Variants in IQCK observed in about 807,000 individuals in gnomAD.
IQCK encodes IQ domain-containing protein K.
A neutral mutation model predicts 28.1 loss-of-function variants in IQCK; 29 were observed. The ratio of observed to expected loss-of-function variants is 1.03; its 90% CI spans 0.77 to 1.41. IQCK has a LOEUF of 1.41. IQCK is among the 40% of genes most tolerant of loss of function. The pLI is 0.00. For synonymous variants in IQCK, 113 were observed against 115.1 expected (o/e 0.98, Z 0.12); for missense variants, 359 against 314.7 (o/e 1.14, Z -1.07).
chr16:19,849,358 G>A (rs921889062), intron 9 of IQCK, among the ~76,000 whole-genome samples: 2 of 151,546 alleles, frequency 1.3e-5, no homozygotes, highest in African/African-American at 2.4e-5. Flanking sequence ...CTACAGGGCA[G>A]TTACACTTAA....
At chr16:19,723,217 C>G (rs1977552140) in intron 1 of IQCK, among the ~76,000 whole-genome samples, 2 of 151,538 alleles carry the variant, frequency 1.3e-5, no homozygotes, top group Non-Finnish European at 1.5e-5. Context: ...TCCTTCCAGA[C>G]CATATCCCAC....
chr16:19,750,762 G>A (rs1212404730), intron 4 of IQCK, among the ~76,000 whole-genome samples: 1 of 152,086 alleles, frequency 6.6e-6, no homozygotes, highest in Admixed American at 6.5e-5. Context: ...GCACCCAGCC[G>A]AGAATTTAAT....
exon 1 of IQCK, chr16:19,718,401 T>C (rs575422360): frequency 1.2e-6 from 2 of 1,606,192 alleles, no homozygotes; most frequent in East Asian, 4.5e-5. Flanking sequence ...GTGCCCACCG[T>C]GTCTCTCGCG....
intron 9 of IQCK, among the ~76,000 whole-genome samples, chr16:19,839,380 C>T (rs954493151): frequency 1.3e-5 from 2 of 151,854 alleles, no homozygotes; most frequent in African/African-American, 2.4e-5. Flanking sequence ...AGGCTGGTCT[C>T]GAACTCCTGA....
Position 19,856,655 on chromosome 16 carries a change from CAT to C in IQCK, c.*108_*109del. 5.7e-6 allele frequency: 5 copies of C among 875,360 alleles called. No individual in the cohort carries two copies. The South Asian group carries it at 6.0e-5, about 11-fold the overall frequency. 54.2% of individuals were successfully genotyped at this position (875,360 alleles called of 1,614,324 possible). ...GTGATTTCTTTAACAAGACTTGGAA[CAT>C]GTGCAAATGGAATCTTTTCTGTACA... On this transcript the variant is annotated 3_prime_UTR_variant, in exon 10 of 10. Transcript: ENST00000320394.
chr16:19,762,600 A>AT (rs1195215890), intron 4 of IQCK, among the ~76,000 whole-genome samples: 1 of 152,174 alleles, frequency 6.6e-6, no homozygotes, highest in Admixed American at 6.5e-5. Flanking sequence ...CGCGTATTTC[A>AT]TCTAACACAA....
At position 19,743,877 on chromosome 16, in the gene IQCK, C is replaced by T. The variant is rs546853824; in HGVS notation, c.474+8427C>T. 2.0e-5 allele frequency among the ~76,000 whole-genome samples: 3 copies of T among 152,294 alleles called. No homozygotes were observed. The South Asian group carries it at 6.2e-4, about 32-fold the overall frequency. On this transcript the variant is annotated intron_variant, in intron 4 of 7. Coordinates refer to ENST00000564186, the Ensembl canonical transcript of IQCK. The stretch of plus-strand genomic sequence containing the variant: ...CAGTACCATGAAACTCCAAGGAAGA[C>T]CAGGGGGAACAGAGCAGACAGAGAA...
chr16:19,726,817 C>A (rs536782695), intron 1 of IQCK, among the ~76,000 whole-genome samples: 52 of 152,238 alleles, frequency 3.4e-4, no homozygotes, highest in African/African-American at 1.2e-3. Flanking sequence ...CTTCCCTTAC[C>A]AAACATATAG....
At chr16:19,754,480 G>C (rs2055026373) in intron 4 of IQCK, among the ~76,000 whole-genome samples, 1 of 152,042 alleles carries the variant, frequency 6.6e-6, no homozygotes. Context: ...TTCGGCTTTT[G>C]GTTGCTTATC....
At chr16:19,775,050 AT>A (rs1352056229) in intron 6 of IQCK, among the ~76,000 whole-genome samples, 1 of 151,896 alleles carries the variant, frequency 6.6e-6, no homozygotes, top group Non-Finnish European at 1.5e-5. Context: ...ACATGGTGAA[AT>A]CCCATCTCTA....
At chr16:19,780,203 G>C (rs2055459943) in intron 6 of IQCK, among the ~76,000 whole-genome samples, 1 of 151,888 alleles carries the variant, frequency 6.6e-6, no homozygotes. Flanking sequence ...CACCTTGCCT[G>C]GCTAATTTTT....
chr16:19,825,286 C>T lies in IQCK; in HGVS notation c.691-1740C>T, dbSNP rs773328691. On this transcript the variant is annotated intron_variant, in intron 7 of 7. Coordinates refer to ENST00000564186, the Ensembl canonical transcript of IQCK. The surrounding 1 kb of genome is among the most constrained non-coding windows in gnomAD (Gnocchi z 4.2). ...CTGTAATCCCAGCCCTTTGGGAGGC[C>T]AAGGCGGATGGTTCACTTGAGGTCA... is the stretch of plus-strand genomic sequence containing the variant. Among the ~76,000 whole-genome samples the T allele has an allele frequency of 7.2e-5, 11 of 152,174 alleles. No homozygotes were observed. Among genetic ancestry groups the T allele is most frequent in the Non-Finnish European group, 1.5e-4 (10 of 68,036 alleles).
intron 7 of IQCK, among the ~76,000 whole-genome samples, chr16:19,814,233 A>C (rs1192359226): frequency 1.2e-4 from 17 of 142,574 alleles, no homozygotes; most frequent in Admixed American, 1.1e-3. Flanking sequence ...AAAAAAAAAA[A>C]AAAAAAAAAA....
chr16:19,814,359 CGCACCATCGCACTCCAGCCTG>C (rs1374887632), intron 7 of IQCK, among the ~76,000 whole-genome samples: 5 of 151,646 alleles, frequency 3.3e-5, no homozygotes, highest in Admixed American at 6.6e-5. Context: ...GAGCCGAGAT[CGCACCATCGCACTCCAGCCTG>C]GGTGACGAGA....
intron 6 of IQCK, among the ~76,000 whole-genome samples, chr16:19,775,865 G>GTT (rs1171516551): frequency 6.4e-5 from 5 of 78,740 alleles, no homozygotes; most frequent in Non-Finnish European, 7.5e-5. Context: ...CTGGGCACAG[G>GTT]CTTTTTTTTT....
chr16:19,735,490 A>G (rs139588324), intron 4 of IQCK, 40 bp downstream of exon 4: 9 of 1,413,194 alleles, frequency 6.4e-6, no homozygotes, highest in African/African-American at 5.6e-5. Context: ...TGAGATTCTC[A>G]ATCATTCATT....
rs1298437259 is a variant in IQCK at position 19,730,423 on chromosome 16, C to T, written c.182-7C>T. On this transcript the variant is annotated splice_polypyrimidine_tract_variant and splice_region_variant and intron_variant, in intron 1 of 7. Coordinates refer to ENST00000564186, the Ensembl canonical transcript of IQCK. ...GGAATTGAGGATTTTTTTTCCCTTC[C>T]CTTTAGAGTATGAAGCTGAGCAGCC... 2 of 1,591,212 alleles carry T rather than the reference C, an allele frequency of 1.3e-6. No homozygotes were observed. The highest frequency in any genetic ancestry group is 2.7e-5 in the African/African-American group (2 of 73,594).
rs370469055 is a variant in IQCK, at chr16:19,763,678, A to G, written c.475-170A>G. On this transcript the variant is annotated intron_variant, in intron 4 of 7. Coordinates refer to ENST00000564186, the Ensembl canonical transcript of IQCK. ...GACTGGTCTCGAACTCCTGACCTCA[A>G]GTGATCCACCCGCCTCGGTCTCCCA... Among the ~76,000 whole-genome samples, 106 of 152,246 alleles carry G rather than the reference A, an allele frequency of 7.0e-4. No homozygotes were observed. In the South Asian group the frequency reaches 9.1e-3, roughly 13 times the overall value.
intron 9 of IQCK, among the ~76,000 whole-genome samples, chr16:19,853,357 C>G (rs1327561663): frequency 6.6e-6 from 1 of 152,180 alleles, no homozygotes; most frequent in African/African-American, 2.4e-5. Flanking sequence ...TTCCTTTCTG[C>G]TCTCCTCTGT....
Sources: allele counts gnomAD v4.1 joint callset (sites outside exome capture counted in the v4.1 genomes callset), GRCh38; gene constraint gnomAD v4.1.1; non-coding constraint Gnocchi (gnomAD v3.1); transcripts MANE v1.5; gene names NCBI Gene and HGNC (gene_info 2026-07-23, HGNC 2026-07-21).